KIF5B: variants seen among roughly 807,000 people sequenced by gnomAD.
KIF5B encodes the protein kinesin-1 heavy chain.
KIF5B carries 49 observed loss-of-function variants against 132.8 expected under a neutral mutation model. The observed-to-expected ratio is 0.37, with a 90% CI of 0.29 to 0.47. The LOEUF (loss-of-function observed/expected upper bound fraction) is 0.47, where lower values mean the gene tolerates loss of function less well. Among genes scored for constraint, KIF5B ranks in the 20% least tolerant of loss-of-function variants. The probability of loss-of-function intolerance (pLI) is 1.00; values close to 1 mark genes in which losing one functional copy is unlikely to be tolerated. For missense variants in KIF5B, 780 were observed against 1,144.0 expected, an observed-to-expected ratio of 0.68 and a Z score of 4.59; for synonymous variants, 355 against 369.4, an observed-to-expected ratio of 0.96 and a Z score of 0.45.
intron 14 of KIF5B, among the ~76,000 whole-genome samples, chr10:32,030,844 C>G (rs900656519): frequency 2.6e-5 from 4 of 152,142 alleles, no homozygotes; most frequent in Non-Finnish European, 5.9e-5. Context: ...CAAACATCCT[C>G]TAAAACAGCA....
intron 17 of KIF5B, among the ~76,000 whole-genome samples, chr10:32,021,590 G>GAC (rs3029348): frequency 0.48 from 70,763 of 148,336 alleles, 17,318 homozygotes; most frequent in East Asian, 0.61. Context: ...CCTATGTTAA[G>GAC]ACACACACAC....
At chr10:32,055,007 A>G (rs1236469508) in intron 1 of KIF5B, among the ~76,000 whole-genome samples, 2 of 152,290 alleles carry the variant, frequency 1.3e-5, no homozygotes, top group African/African-American at 2.4e-5. Context: ...TATCTTTTTT[A>G]TAAGTTTGTT....
In KIF5B at chr10:32,056,370, C is replaced by A. The variant is rs969256403; in HGVS notation, c.-397G>T. The stretch of plus-strand genomic sequence containing the variant: ...GGGCCTACCCGTCCGCCCGCTCTGC[C>A]GTCCGCTGGCCGGCCGACTGCTGCC... On this transcript the variant is annotated 5_prime_UTR_variant, in exon 1 of 26. Coordinates refer to ENST00000302418, the MANE Select transcript of KIF5B (RefSeq NM_004521.3). The A allele has an allele frequency of 1.8e-5, 4 of 222,040 alleles. No homozygotes were observed. Among genetic ancestry groups the A allele is most frequent in the African/African-American group, 4.8e-5 (2 of 41,968 alleles). 13.8% of individuals were successfully genotyped at this position (222,040 alleles called of 1,614,324 possible).
At chr10:32,043,460 A>G (rs1841568789) in intron 2 of KIF5B, among the ~76,000 whole-genome samples, 2 of 152,204 alleles carry the variant, frequency 1.3e-5, no homozygotes. Context: ...ACTGTACTAT[A>G]TACTCAAGGA....
intron 2 of KIF5B, among the ~76,000 whole-genome samples, chr10:32,043,973 A>G (rs968361992): frequency 6.6e-6 from 1 of 152,156 alleles, no homozygotes; most frequent in African/African-American, 2.4e-5. Flanking sequence ...CTGTTTAACA[A>G]TGATTGTCCC....
intron 14 of KIF5B, among the ~76,000 whole-genome samples, chr10:32,029,882 T>C (rs988115602): frequency 2.0e-5 from 3 of 152,246 alleles, no homozygotes. Flanking sequence ...GTCTTAGATC[T>C]GTACAGTACT....
intron 17 of KIF5B, among the ~76,000 whole-genome samples, chr10:32,021,521 C>G (rs1841261162): frequency 7.0e-6 from 1 of 142,860 alleles, no homozygotes; most frequent in African/African-American, 2.6e-5. Flanking sequence ...TTTTTTTTGG[C>G]CTAATCCAGA....
intron 14 of KIF5B, among the ~76,000 whole-genome samples, chr10:32,029,262 G>C (rs1174693888): frequency 6.6e-6 from 1 of 152,176 alleles, no homozygotes; most frequent in Non-Finnish European, 1.5e-5. Context: ...GACTTTTTGA[G>C]TGCTTGCATG....
chr10:32,024,146 C>CT (rs769483155), intron 15 of KIF5B, among the ~76,000 whole-genome samples: 775 of 69,754 alleles, frequency 0.011, 169 homozygotes, highest in African/African-American at 0.028. Context: ...ATGAAGAACT[C>CT]TTTTTTTTTT....
chr10:32,056,356 TCCGCCCGCTCTGCCGTCCGCTGG>T lies in KIF5B; in HGVS notation c.-406_-384del. On this transcript the variant is annotated 5_prime_UTR_variant, in exon 1 of 26. Coordinates refer to ENST00000302418, the MANE Select transcript of KIF5B (RefSeq NM_004521.3). ...GCGAAGAGCAGGCCGGGCCTACCCG[TCCGCCCGCTCTGCCGTCCGCTGG>T]CCGGCCGACTGCTGCCCGATCACTC... is the stretch of plus-strand genomic sequence containing the variant. The T allele has an allele frequency of 4.4e-6, 1 of 227,452 alleles. No individual in the cohort carries two copies. The highest frequency in any genetic ancestry group is 8.8e-6 in the Non-Finnish European group (1 of 113,974). The allele number at this position is 227,452 out of a possible 1,614,324, so 14.1% of individuals were successfully genotyped here.
rs749008157 is a variant in KIF5B at position 32,018,300 on chromosome 10, G to A, written c.2439+16C>T. ...CACCATTTATGCAAACGCCTACCTC[G>A]GCATAGTTACATTACCTTTTTAACT... On this transcript the variant is annotated intron_variant, in intron 22 of 25. Coordinates refer to ENST00000302418, the MANE Select transcript of KIF5B (RefSeq NM_004521.3). The A allele has an allele frequency of 1.1e-5, 17 of 1,495,560 alleles. No homozygotes were observed. The highest frequency in any genetic ancestry group is 1.4e-5 in the Non-Finnish European group (16 of 1,122,086). 92.6% of individuals were successfully genotyped at this position (1,495,560 alleles called of 1,614,324 possible).
chr10:32,033,793 C>A, intron 12 of KIF5B, 52 bp downstream of exon 12: 2 of 1,226,310 alleles, frequency 1.6e-6, no homozygotes, highest in Non-Finnish European at 2.3e-6. Flanking sequence ...ATAAAAACAC[C>A]CATGTCAATA....
intron 15 of KIF5B, among the ~76,000 whole-genome samples, chr10:32,023,853 TC>T (rs1841296619): frequency 6.6e-6 from 1 of 151,616 alleles, no homozygotes; most frequent in African/African-American, 2.4e-5. Flanking sequence ...AAAAATTAAC[TC>T]CAAATGGATC....
chr10:32,035,144 G>A (rs570946010), intron 10 of KIF5B, among the ~76,000 whole-genome samples: 11 of 152,102 alleles, frequency 7.2e-5, no homozygotes, highest in Non-Finnish European at 1.6e-4. Flanking sequence ...AGTCAAAGAC[G>A]GAATCATCAT....
chr10:32,056,219 G>C lies in KIF5B; in HGVS notation c.-246C>G. 1 of 482,364 alleles carries C rather than the reference G, an allele frequency of 2.1e-6. No homozygotes were observed. Among genetic ancestry groups the C allele is most frequent in the Non-Finnish European group, 3.6e-6 (1 of 275,966 alleles). The allele number at this position is 482,364 out of a possible 1,614,324, so 29.9% of individuals were successfully genotyped here. A position where few individuals can be genotyped will look rare whatever the true frequency, so the allele number is the denominator to read the frequency against. On this transcript the variant is annotated 5_prime_UTR_variant, in exon 1 of 26. Transcript: ENST00000302418. ...CAGCCATGGCGGCGGCAGCGGCGGC[G>C]GCACCGGGGAGAGCGTCCGCGGCTC...
chr10:32,024,862 T>C (rs982492331), intron 15 of KIF5B, among the ~76,000 whole-genome samples: 16 of 151,886 alleles, frequency 1.1e-4, no homozygotes, highest in Non-Finnish European at 1.5e-4. Flanking sequence ...GGACCACCTG[T>C]AGTCAGGAGT....
chr10:32,018,256 A>T lies in KIF5B; in HGVS notation c.2439+60T>A, dbSNP rs931373896. The T allele has an allele frequency of 2.8e-6, 4 of 1,452,074 alleles. No individual in the cohort carries two copies. In the African/African-American group the frequency reaches 5.7e-5, roughly 21 times the overall value. The allele number at this position is 1,452,074 out of a possible 1,614,324, so 89.9% of individuals were successfully genotyped here. On this transcript the variant is annotated intron_variant, in intron 22 of 25. Transcript: ENST00000302418. ...TAAAGTTATTTCACTTTGAATACAA[A>T]TAATTACCTAGAAGTAAGCACCATT... is the stretch of plus-strand genomic sequence containing the variant.
intron 23 of KIF5B, 48 bp from the exon 24 acceptor site, chr10:32,017,407 T>C: frequency 1.4e-6 from 2 of 1,423,054 alleles, no homozygotes; most frequent in Admixed American, 1.9e-5. Flanking sequence ...ACAGGATGAC[T>C]TGAAAAAGTA....
chr10:32,013,132 C>T (rs1841107626), intron 25 of KIF5B, among the ~76,000 whole-genome samples: 1 of 152,030 alleles, frequency 6.6e-6, no homozygotes, highest in South Asian at 2.1e-4. Context: ...AACTCCTGAC[C>T]TGAGGTGACC....
Sources: gnomAD v4.1 joint callset for allele counts (sites outside exome capture counted in the v4.1 genomes callset) on GRCh38, gnomAD v4.1.1 for gene constraint, MANE v1.5 for transcripts, NCBI Gene and HGNC (gene_info 2026-07-23, HGNC 2026-07-21) for gene names.